ANXA13: variants seen among roughly 807,000 people sequenced by gnomAD.
ANXA13 encodes the protein annexin A13.
Under a neutral mutation model 46.6 loss-of-function variants are expected in ANXA13, and 36 were observed. The observed-to-expected ratio is 0.77, with a 90% CI of 0.59 to 1.02. The LOEUF (loss-of-function observed/expected upper bound fraction) is 1.02, where lower values mean the gene tolerates loss of function less well. Among genes scored for constraint, ANXA13 ranks in the 50% least tolerant of loss-of-function variants. The probability of loss-of-function intolerance (pLI) is 0.00; values close to 1 mark genes in which losing one functional copy is unlikely to be tolerated. For missense variants in ANXA13, 417 were observed against 396.5 expected (o/e 1.05, Z -0.44); for synonymous variants, 163 against 152.9 (o/e 1.07, Z -0.49).
At chr8:123,685,012 G>T (rs552455191) in intron 9 of ANXA13, among the ~76,000 whole-genome samples, 12 of 152,352 alleles carry the variant, frequency 7.9e-5, no homozygotes, top group African/African-American at 2.9e-4. Context: ...TTATTTCCCA[G>T]CAGAAATAAC....
At chr8:123,710,523 T>G (rs1214257855) in intron 2 of ANXA13, among the ~76,000 whole-genome samples, 1 of 152,214 alleles carries the variant, frequency 6.6e-6, no homozygotes, top group Non-Finnish European at 1.5e-5. Flanking sequence ...AAGCAAAAAA[T>G]TAGTTTAATA....
chr8:123,735,645 G>A, intron 1 of ANXA13: 3 of 1,280,690 alleles, frequency 2.3e-6, no homozygotes, highest in Non-Finnish European at 3.1e-6. Context: ...ACCTGATGAT[G>A]GCTGGTGGCT....
intron 10 of ANXA13, among the ~76,000 whole-genome samples, chr8:123,683,921 G>C (rs1813089425): frequency 6.6e-6 from 1 of 152,144 alleles, no homozygotes; most frequent in Non-Finnish European, 1.5e-5. Flanking sequence ...CAAGCCGTTG[G>C]CTCTTCCTCT....
chr8:123,707,085 T>A (rs370959256), intron 2 of ANXA13, among the ~76,000 whole-genome samples: 3 of 152,312 alleles, frequency 2.0e-5, no homozygotes, highest in Admixed American at 6.5e-5. Context: ...GGGAGCAGAG[T>A]ATTTTGTTCA....
chr8:123,719,826 C>T (rs574302560), intron 1 of ANXA13, among the ~76,000 whole-genome samples: 16 of 152,294 alleles, frequency 1.1e-4, no homozygotes, highest in African/African-American at 3.1e-4. Flanking sequence ...GCTGGTTGTA[C>T]CACCTTGGGC....
intron 1 of ANXA13, among the ~76,000 whole-genome samples, 176 bp from the exon 2 acceptor site, chr8:123,712,929 G>A (rs542963468): frequency 6.6e-6 from 1 of 152,302 alleles, no homozygotes; most frequent in South Asian, 2.1e-4. Context: ...CAGAGAGGTG[G>A]CTGGTACTCC....
At chr8:123,719,729 A>G (rs1285667926) in intron 1 of ANXA13, among the ~76,000 whole-genome samples, 3 of 152,222 alleles carry the variant, frequency 2.0e-5, no homozygotes, top group Non-Finnish European at 2.9e-5. Context: ...ATGTGCTAAC[A>G]TGATTGCATC....
At chr8:123,702,586 C>A (rs1813463755) in intron 3 of ANXA13, 56 bp downstream of exon 3, 1 of 1,427,260 alleles carries the variant, frequency 7.0e-7, no homozygotes, top group Non-Finnish European at 9.9e-7. Flanking sequence ...CATGAGGAAG[C>A]CGAGACGGCT....
rs561885449 is a variant in ANXA13, at chr8:123,701,212, C to T, written c.186+1430G>A. Among the ~76,000 whole-genome samples the T allele has an allele frequency of 1.3e-4, 20 of 152,256 alleles. No homozygotes were observed. The South Asian group carries it at 1.7e-3, about 13-fold the overall frequency. On this transcript the variant is annotated intron_variant, in intron 3 of 10. Coordinates refer to ENST00000419625, the MANE Select transcript of ANXA13 (RefSeq NM_004306.4). ...GCTTCAGGCCAGGCACGGTGGCTCA[C>T]ACCTGTAATCCTGGCACTTTGGGCT...
chr8:123,693,108 A>T lies in ANXA13; in HGVS notation c.642+89T>A. 1.7e-6 allele frequency: 2 copies of T among 1,146,592 alleles called. 1 individual carries two copies. Among genetic ancestry groups the T allele is most frequent in the East Asian group, 4.7e-5 (2 of 42,488 alleles). 71.0% of individuals were successfully genotyped at this position (1,146,592 alleles called of 1,614,324 possible). On this transcript the variant is annotated intron_variant, in intron 8 of 10. Transcript: ENST00000419625. ...AGAACCACTGTTGTAAAGGATCCCC[A>T]ATTCCTTATTGCAGATCTTGGCTTC... is the stretch of plus-strand genomic sequence containing the variant.
At chr8:123,713,971 G>A (rs1180134294) in intron 1 of ANXA13, among the ~76,000 whole-genome samples, 1 of 152,190 alleles carries the variant, frequency 6.6e-6, no homozygotes, top group African/African-American at 2.4e-5. Context: ...TGGGATTACA[G>A]GTGTGAGCCA....
At chr8:123,717,251 T>C (rs1813773533) in intron 1 of ANXA13, among the ~76,000 whole-genome samples, 3 of 152,198 alleles carry the variant, frequency 2.0e-5, no homozygotes, top group Admixed American at 2.0e-4. Context: ...GAGCAGTCTC[T>C]GTGTTGCAAG....
rs559216439 is a variant in ANXA13, at chr8:123,730,944, C to T, written c.15+6376G>A. ...TGAGGAGGCAGGTGTGGTGCTAACC[C>T]GGGTTTCAATGCCATCATCTGGGCA... On this transcript the variant is annotated intron_variant, in intron 1 of 10. Coordinates refer to ENST00000419625, the MANE Select transcript of ANXA13 (RefSeq NM_004306.4). Among the ~76,000 whole-genome samples the T allele has an allele frequency of 2.9e-4, 44 of 152,248 alleles. 1 individual carries two copies. Among genetic ancestry groups the T allele is most frequent in the African/African-American group, 9.1e-4 (38 of 41,536 alleles).
intron 2 of ANXA13, among the ~76,000 whole-genome samples, chr8:123,704,056 T>A (rs1438433962): frequency 1.3e-5 from 2 of 152,144 alleles, no homozygotes; most frequent in Non-Finnish European, 1.5e-5. Flanking sequence ...AAGGCTATTG[T>A]GAGAATGAAA....
At chr8:123,705,984 C>T (rs1216873637) in intron 2 of ANXA13, among the ~76,000 whole-genome samples, 1 of 152,202 alleles carries the variant, frequency 6.6e-6, no homozygotes, top group Non-Finnish European at 1.5e-5. Flanking sequence ...TGTTCCAAAC[C>T]TTTGGGTCCT....
chr8:123,681,326 C>T lies in ANXA13; in HGVS notation c.865G>A (p.Glu289Lys). ...DLQGIKAKFQ[E>K]KYQKSLSDMV... The stretch of plus-strand genomic sequence containing the variant: ...TCAGAGAGAGACTTCTGATACTTCT[C>T]TTGGAACTTTGCTTTGATCCCCTGA... The change falls in exon 11 of 11, where the codon GAG becomes AAG. Residue 289 changes from glutamate to lysine, a missense_variant. Physicochemically the swap from Glu to Lys is moderately conservative, Grantham distance 56 (BLOSUM62 1). Transcript: ENST00000419625. The T allele has an allele frequency of 1.2e-6, 2 of 1,614,090 alleles. No individual in the cohort carries two copies. Among genetic ancestry groups the T allele is most frequent in the Non-Finnish European group, 1.7e-6 (2 of 1,179,994 alleles).
At chr8:123,700,045 T>G (rs1187353824) in intron 3 of ANXA13, among the ~76,000 whole-genome samples, 2 of 152,344 alleles carry the variant, frequency 1.3e-5, no homozygotes, top group Middle Eastern at 3.4e-3. Context: ...AGCTCTGAGC[T>G]CTTGGCCTGG....
intron 9 of ANXA13, among the ~76,000 whole-genome samples, chr8:123,685,631 T>G (rs1384463220): frequency 6.6e-6 from 1 of 152,226 alleles, no homozygotes; most frequent in Non-Finnish European, 1.5e-5. Context: ...GGGCTGTTGT[T>G]GTCTAGGGGA....
intron 1 of ANXA13, among the ~76,000 whole-genome samples, chr8:123,725,695 C>G (rs941699806): frequency 9.9e-5 from 15 of 152,074 alleles, no homozygotes; most frequent in African/African-American, 3.4e-4. Flanking sequence ...GCAGTATACC[C>G]TGTTGGGTAT....
Sources: allele counts gnomAD v4.1 joint callset (sites outside exome capture counted in the v4.1 genomes callset), GRCh38; gene constraint gnomAD v4.1.1; transcripts MANE v1.5; gene names NCBI Gene and HGNC (gene_info 2026-07-23, HGNC 2026-07-21).